GPR45: variants seen among roughly 807,000 people sequenced by gnomAD.
GPR45 encodes the protein G protein-coupled receptor 45.
In GPR45, 7 loss-of-function variants were observed where a neutral mutation model predicts 5.9. That is an observed-to-expected ratio of 1.19 (90% CI 0.68 to 2.23). The LOEUF (loss-of-function observed/expected upper bound fraction) is 2.23. GPR45 is among the 30% of genes most tolerant of loss of function. The probability of loss-of-function intolerance (pLI) is 0.00; values close to 1 mark genes in which losing one functional copy is unlikely to be tolerated. For missense variants in GPR45, 440 were observed against 496.9 expected (o/e 0.89, Z 1.09); for synonymous variants, 220 against 226.3 (o/e 0.97, Z 0.25).
Position 105,242,858 on chromosome 2 carries a change from G to A in GPR45, c.1000G>A (p.Ala334Thr), listed in dbSNP as rs754127381. Reference protein sequence around the residue: ...YCWRIKKFREACIELLPQTFQ... With the variant: ...YCWRIKKFRETCIELLPQTFQ... Reference sequence around the variant, plus strand: ...CTGGAGAATCAAAAAATTCCGCGAGGCCTGCATAGAGTTGCTGCCCCAGAC... The same window carrying A: ...CTGGAGAATCAAAAAATTCCGCGAGACCTGCATAGAGTTGCTGCCCCAGAC... The change falls in exon 1 of 1, where the codon GCC becomes ACC. Residue 334 changes from alanine (A) to threonine (T), a missense_variant. Coordinates refer to ENST00000258456, the MANE Select transcript of GPR45 (RefSeq NM_007227.3). The surrounding 1 kb of genome is among the most constrained non-coding windows in gnomAD (Gnocchi z 4.8). The A allele has an allele frequency of 6.8e-6, 11 of 1,614,090 alleles. No individual in the cohort carries two copies. In the Admixed American group the frequency reaches 1.0e-4, roughly 15 times the overall value.
At position 105,242,373 on chromosome 2, in the gene GPR45, T is replaced by C. The variant is rs1162769242; in HGVS notation, c.515T>C (p.Leu172Pro). 1 of 1,612,816 alleles carries C rather than the reference T, an allele frequency of 6.2e-7. No homozygotes were observed. Among genetic ancestry groups the C allele is most frequent in the Non-Finnish European group, 8.5e-7 (1 of 1,179,704 alleles). ...GGGCCCTCGCTCACGGGCTGGACGC[T>C]GGTGGAGGTGCCGGCGCGGGCCCCA... ...IAGPSLTGWT[L>P]VEVPARAPQC... The change falls in exon 1 of 1, where the codon CTG becomes CCG. Residue 172 changes from leucine (L) to proline (P), a missense_variant. Transcript: ENST00000258456. The surrounding 1 kb of genome is among the most constrained non-coding windows in gnomAD (Gnocchi z 4.8).
rs766721869 is a variant in GPR45 at position 105,241,929 on chromosome 2, C to T, written c.71C>T (p.Ser24Leu). ...CTGAACACCAGCAACGCCTCAGACT[C>T]GGGGTCCACCCAGTTGCCCGCACCC... Reference protein sequence around the residue: ...LLLNTSNASDSGSTQLPAPLR... With the variant: ...LLLNTSNASDLGSTQLPAPLR... The change falls in exon 1 of 1, where the codon TCG becomes TTG. Residue 24 changes from serine to leucine, a missense_variant. By Grantham distance (145) the Ser-to-Leu change is moderately radical (BLOSUM62 -2). Transcript: ENST00000258456. 1.9e-6 allele frequency: 3 copies of T among 1,609,298 alleles called. No individual in the cohort carries two copies. The highest frequency in any genetic ancestry group is 2.2e-5 in the South Asian group (2 of 90,520).
chr2:105,243,094 C>T lies in GPR45; in HGVS notation c.*117C>T. 1 of 1,302,388 alleles carries T rather than the reference C, an allele frequency of 7.7e-7. No individual in the cohort carries two copies. Among genetic ancestry groups the T allele is most frequent in the Non-Finnish European group, 1.1e-6 (1 of 949,746 alleles). The allele number at this position is 1,302,388 out of a possible 1,614,324, so 80.7% of individuals were successfully genotyped here. ...GCACTTTGTGGTGGCAATTTAAGCACAAAGGTACTCATTTGTAATCAGATG... is the reference window on the plus strand; with the variant it reads ...GCACTTTGTGGTGGCAATTTAAGCATAAAGGTACTCATTTGTAATCAGATG... On this transcript the variant is annotated 3_prime_UTR_variant, in exon 1 of 1. Coordinates refer to ENST00000258456, the MANE Select transcript of GPR45 (RefSeq NM_007227.3).
chr2:105,242,475 C>G lies in GPR45; in HGVS notation c.617C>G (p.Ala206Gly). The G allele has an allele frequency of 6.2e-7, 1 of 1,605,918 alleles. No homozygotes were observed. Among genetic ancestry groups the G allele is most frequent in the African/African-American group, 1.3e-5 (1 of 75,062 alleles). ...ACCTTGGTGGTGGCCGTGTTCTTCG[C>G]GCCCTTTGGCGTCATGCTGTGCGCC... ...VVTLVVAVFFAPFGVMLCAYM... is the reference protein window; with the variant it reads ...VVTLVVAVFFGPFGVMLCAYM... Residue 206 changes from alanine (A) to glycine (G), a missense_variant, in exon 1 of 1, where the codon GCG becomes GGG. Transcript: ENST00000258456. The surrounding 1 kb of genome is among the most constrained non-coding windows in gnomAD (Gnocchi z 4.8).
In GPR45 at chr2:105,243,105, A is replaced by C; in HGVS notation, c.*128A>C. ...TGGCAATTTAAGCACAAAGGTACTC[A>C]TTTGTAATCAGATGAGCTGCAGCTC... On this transcript the variant is annotated 3_prime_UTR_variant, in exon 1 of 1. Transcript: ENST00000258456. 8.2e-7 allele frequency: 1 copy of C among 1,220,584 alleles called. No individual in the cohort carries two copies. Among genetic ancestry groups the C allele is most frequent in the South Asian group, 1.7e-5 (1 of 59,998 alleles). The allele number at this position is 1,220,584 out of a possible 1,614,324, so 75.6% of individuals were successfully genotyped here. A position where few individuals can be genotyped will look rare whatever the true frequency, so the allele number is the denominator to read the frequency against.
In GPR45 at chr2:105,242,680, G is replaced by A. The variant is rs1454762253; in HGVS notation, c.822G>A (p.Val274=). Residue 274 remains valine, a synonymous_variant, in exon 1 of 1, where the codon GTG becomes GTA. Coordinates refer to ENST00000258456, the MANE Select transcript of GPR45 (RefSeq NM_007227.3). This position sits in a 1 kb window ranked among gnomAD's most constrained non-coding sequence, Gnocchi z 4.8. ...KAFTTILILF[V]GFSLCWLPHS... ...TCACCACCATCCTGATCCTCTTCGT[G>A]GGCTTCTCCCTCTGCTGGCTGCCCC... is the stretch of plus-strand genomic sequence containing the variant. The A allele has an allele frequency of 1.9e-6, 3 of 1,600,780 alleles. No homozygotes were observed. The highest frequency in any genetic ancestry group is 2.6e-6 in the Non-Finnish European group (3 of 1,172,094).
At position 105,242,948 on chromosome 2, in the gene GPR45, G is replaced by A. The variant is rs377185135; in HGVS notation, c.1090G>A (p.Val364Met). ...GAGAATCCAGCCAAGCACAGTCTAC[G>A]TGTGCAATGAAAACCAGTCTGCGGT... is the stretch of plus-strand genomic sequence containing the variant. ...RRRIQPSTVY[V>M]CNENQSAV The change falls in exon 1 of 1, where the codon GTG becomes ATG. Residue 364 changes from valine to methionine, a missense_variant. Coordinates refer to ENST00000258456, the MANE Select transcript of GPR45 (RefSeq NM_007227.3). This position sits in a 1 kb window ranked among gnomAD's most constrained non-coding sequence, Gnocchi z 4.8. 3.1e-6 allele frequency: 5 copies of A among 1,614,108 alleles called. No homozygotes were observed. In the South Asian group the frequency reaches 3.3e-5, roughly 11 times the overall value.
Position 105,242,853 on chromosome 2 carries a change from G to A in GPR45, c.995G>A (p.Arg332His), listed in dbSNP as rs1352198171. 4 of 1,614,018 alleles carry A rather than the reference G, an allele frequency of 2.5e-6. No individual in the cohort carries two copies. The highest frequency in any genetic ancestry group is 1.6e-4 in the Middle Eastern group (1 of 6,084). Residue 332 changes from arginine (R) to histidine (H), a missense_variant, in exon 1 of 1, where the codon CGC (arginine) becomes CAC (histidine). Coordinates refer to ENST00000258456, the MANE Select transcript of GPR45 (RefSeq NM_007227.3). This position sits in a 1 kb window ranked among gnomAD's most constrained non-coding sequence, Gnocchi z 4.8. ...TACTGCTGGAGAATCAAAAAATTCC[G>A]CGAGGCCTGCATAGAGTTGCTGCCC... ...IVYCWRIKKF[R>H]EACIELLPQT...
chr2:105,242,988 G>A lies in GPR45; in HGVS notation c.*11G>A. ...CAGTCTGCGGTTTAGGGGGTCAGGG[G>A]GCCACAGAGAAGGGGCAGCTGAGCC... On this transcript the variant is annotated 3_prime_UTR_variant, in exon 1 of 1. Transcript: ENST00000258456. The surrounding 1 kb of genome is among the most constrained non-coding windows in gnomAD (Gnocchi z 4.8). The A allele has an allele frequency of 1.2e-6, 2 of 1,608,880 alleles. No individual in the cohort carries two copies. Among genetic ancestry groups the A allele is most frequent in the South Asian group, 1.1e-5 (1 of 90,602 alleles).
chr2:105,242,559 A>G lies in GPR45; in HGVS notation c.701A>G (p.Asp234Gly). The G allele has an allele frequency of 6.2e-7, 1 of 1,610,012 alleles. No individual in the cohort carries two copies. The highest frequency in any genetic ancestry group is 8.5e-7 in the Non-Finnish European group (1 of 1,179,910). ...KNAVRVHNQS[D>G]SLDLRQLTRA... is the part of the protein sequence containing the mutation. ...GCCGTGCGCGTGCACAACCAGTCGG[A>G]CAGCCTGGACCTGCGGCAGCTCACC... Residue 234 changes from aspartate to glycine, a missense_variant, in exon 1 of 1, where the codon GAC (aspartate) becomes GGC (glycine). Asp to Gly is a moderately conservative substitution (Grantham distance 94). Coordinates refer to ENST00000258456, the MANE Select transcript of GPR45 (RefSeq NM_007227.3). This position sits in a 1 kb window ranked among gnomAD's most constrained non-coding sequence, Gnocchi z 4.8.
chr2:105,242,966 T>G lies in GPR45; in HGVS notation c.1108T>G (p.Ser370Ala). 1 of 1,613,138 alleles carries G rather than the reference T, an allele frequency of 6.2e-7. No homozygotes were observed. Among genetic ancestry groups the G allele is most frequent in the Non-Finnish European group, 8.5e-7 (1 of 1,179,264 alleles). Residue 370 changes from serine (S) to alanine (A), a missense_variant, in exon 1 of 1, where the codon TCT becomes GCT. Ser to Ala is a moderately conservative substitution (Grantham distance 99). Transcript: ENST00000258456. This position sits in a 1 kb window ranked among gnomAD's most constrained non-coding sequence, Gnocchi z 4.8. ...STVYVCNENQ[S>A]AV ...AGTCTACGTGTGCAATGAAAACCAGTCTGCGGTTTAGGGGGTCAGGGGGCC... is the reference window on the plus strand; with the variant it reads ...AGTCTACGTGTGCAATGAAAACCAGGCTGCGGTTTAGGGGGTCAGGGGGCC...
rs1254889885 is a variant in GPR45 at position 105,242,943 on chromosome 2, T to C, written c.1085T>C (p.Val362Ala). Residue 362 changes from valine (V) to alanine (A), a missense_variant, in exon 1 of 1, where the codon GTC becomes GCC. Physicochemically the swap from Val to Ala is moderately conservative, Grantham distance 64. Transcript: ENST00000258456. The surrounding 1 kb of genome is among the most constrained non-coding windows in gnomAD (Gnocchi z 4.8). ...RIRRRIQPST[V>A]YVCNENQSAV ...CGAAGGAGAATCCAGCCAAGCACAG[T>C]CTACGTGTGCAATGAAAACCAGTCT... 1 of 1,614,138 alleles carries C rather than the reference T, an allele frequency of 6.2e-7. No individual in the cohort carries two copies. The highest frequency in any genetic ancestry group is 1.3e-5 in the African/African-American group (1 of 75,056).
At position 105,243,098 on chromosome 2, in the gene GPR45, G is replaced by GA; in HGVS notation, c.*121_*122insA. On this transcript the variant is annotated 3_prime_UTR_variant, in exon 1 of 1. Coordinates refer to ENST00000258456, the MANE Select transcript of GPR45 (RefSeq NM_007227.3). ...TTTGTGGTGGCAATTTAAGCACAAA[G>GA]GTACTCATTTGTAATCAGATGAGCT... 1.5e-6 allele frequency: 2 copies of GA among 1,292,282 alleles called. No individual in the cohort carries two copies. Among genetic ancestry groups the GA allele is most frequent in the Non-Finnish European group, 1.1e-6 (1 of 941,816 alleles). 80.1% of individuals were successfully genotyped at this position (1,292,282 alleles called of 1,614,324 possible).
In GPR45 at chr2:105,242,839, A is replaced by G; in HGVS notation, c.981A>G (p.Arg327=). The change falls in exon 1 of 1, where the codon AGA becomes AGG. Residue 327 remains arginine, a synonymous_variant. Coordinates refer to ENST00000258456, the MANE Select transcript of GPR45 (RefSeq NM_007227.3). The surrounding 1 kb of genome is among the most constrained non-coding windows in gnomAD (Gnocchi z 4.8). ...TCAACCCCATCGTCTACTGCTGGAG[A>G]ATCAAAAAATTCCGCGAGGCCTGCA... ...SVFNPIVYCW[R]IKKFREACIE... The G allele has an allele frequency of 3.7e-6, 6 of 1,614,106 alleles. No individual in the cohort carries two copies. Among genetic ancestry groups the G allele is most frequent in the Non-Finnish European group, 5.1e-6 (6 of 1,180,002 alleles).
At position 105,242,387 on chromosome 2, in the gene GPR45, G is replaced by C. The variant is rs779573167; in HGVS notation, c.529G>C (p.Ala177Pro). 1.2e-6 allele frequency: 2 copies of C among 1,612,352 alleles called. No homozygotes were observed. The highest frequency in any genetic ancestry group is 1.7e-6 in the Non-Finnish European group (2 of 1,179,562). The change falls in exon 1 of 1, where the codon GCG (alanine) becomes CCG (proline). Residue 177 changes from alanine to proline, a missense_variant. Coordinates refer to ENST00000258456, the MANE Select transcript of GPR45 (RefSeq NM_007227.3). This position sits in a 1 kb window ranked among gnomAD's most constrained non-coding sequence, Gnocchi z 4.8. Reference sequence around the variant, plus strand: ...GGGCTGGACGCTGGTGGAGGTGCCGGCGCGGGCCCCACAGTGCGTGCTGGG... The same window carrying C: ...GGGCTGGACGCTGGTGGAGGTGCCGCCGCGGGCCCCACAGTGCGTGCTGGG... Reference protein sequence around the residue: ...LTGWTLVEVPARAPQCVLGYT... With the variant: ...LTGWTLVEVPPRAPQCVLGYT...
In GPR45 at chr2:105,242,646, C is replaced by A; in HGVS notation, c.788C>A (p.Thr263Asn). Residue 263 changes from threonine to asparagine, a missense_variant, in exon 1 of 1, where the codon ACC (threonine) becomes AAC (asparagine). Thr to Asn is a moderately conservative substitution (Grantham distance 65, BLOSUM62 0). Coordinates refer to ENST00000258456, the MANE Select transcript of GPR45 (RefSeq NM_007227.3). This position sits in a 1 kb window ranked among gnomAD's most constrained non-coding sequence, Gnocchi z 4.8. ...QQVSVDLSFK[T>N]KAFTTILILF... ...GTCAGCGTGGACTTGAGCTTCAAGA[C>A]CAAGGCCTTCACCACCATCCTGATC... 1 of 1,599,848 alleles carries A rather than the reference C, an allele frequency of 6.3e-7. No homozygotes were observed. The highest frequency in any genetic ancestry group is 1.1e-5 in the South Asian group (1 of 88,470).
In GPR45 at chr2:105,243,176, G is replaced by T. The variant is rs1167440057; in HGVS notation, c.*199G>T. 7.3e-6 allele frequency: 5 copies of T among 688,574 alleles called. No individual in the cohort carries two copies. The highest frequency in any genetic ancestry group is 3.6e-5 in the African/African-American group (2 of 55,456). 42.7% of individuals were successfully genotyped at this position (688,574 alleles called of 1,614,324 possible). A position where few individuals can be genotyped will look rare whatever the true frequency, so the allele number is the denominator to read the frequency against. Reference sequence around the variant, plus strand: ...CGATGAATTATTTTTGTTTCTCTTTGCAGAGAGCCAAATATGGGGCTGATG... The same window carrying T: ...CGATGAATTATTTTTGTTTCTCTTTTCAGAGAGCCAAATATGGGGCTGATG... On this transcript the variant is annotated 3_prime_UTR_variant, in exon 1 of 1. Transcript: ENST00000258456.
Position 105,242,470 on chromosome 2 carries a change from C to A in GPR45, c.612C>A (p.Phe204Leu). 6.2e-7 allele frequency: 1 copy of A among 1,606,308 alleles called. No individual in the cohort carries two copies. Among genetic ancestry groups the A allele is most frequent in the Non-Finnish European group, 8.5e-7 (1 of 1,179,802 alleles). Residue 204 changes from phenylalanine (F) to leucine (L), a missense_variant, in exon 1 of 1, where the codon TTC becomes TTA. Phe to Leu is a conservative substitution (Grantham distance 22, BLOSUM62 0). Transcript: ENST00000258456. The surrounding 1 kb of genome is among the most constrained non-coding windows in gnomAD (Gnocchi z 4.8). ...AYVVTLVVAV[F>L]FAPFGVMLCA... The stretch of plus-strand genomic sequence containing the variant: ...TGGTCACCTTGGTGGTGGCCGTGTT[C>A]TTCGCGCCCTTTGGCGTCATGCTGT...
Position 105,242,866 on chromosome 2 carries a change from A to T in GPR45, c.1008A>T (p.Ile336=), listed in dbSNP as rs1676378880. ...TCAAAAAATTCCGCGAGGCCTGCAT[A>T]GAGTTGCTGCCCCAGACCTTCCAAA... ...WRIKKFREAC[I]ELLPQTFQIL... Residue 336 remains isoleucine, a synonymous_variant, in exon 1 of 1, where the codon ATA becomes ATT. Transcript: ENST00000258456. This position sits in a 1 kb window ranked among gnomAD's most constrained non-coding sequence, Gnocchi z 4.8. The T allele has an allele frequency of 6.2e-7, 1 of 1,614,194 alleles. No individual in the cohort carries two copies. The highest frequency in any genetic ancestry group is 8.5e-7 in the Non-Finnish European group (1 of 1,180,022).
Sources: allele counts gnomAD v4.1 joint callset, GRCh38; gene constraint gnomAD v4.1.1; non-coding constraint Gnocchi (gnomAD v3.1); transcripts MANE v1.5; gene names NCBI Gene and HGNC (gene_info 2026-07-23, HGNC 2026-07-21).